Variants in KHDRBS2 observed in about 807,000 individuals in gnomAD.
KHDRBS2 encodes the protein KH RNA binding domain containing, signal transduction associated 2.
A neutral mutation model predicts 44.3 loss-of-function variants in KHDRBS2; 26 were observed. That is an observed-to-expected ratio of 0.59 (90% confidence interval 0.43 to 0.81). The LOEUF (loss-of-function observed/expected upper bound fraction) is 0.81. Ranked by LOEUF, KHDRBS2 falls within the 40% of genes least tolerant of loss-of-function variation. KHDRBS2 has a pLI of 0.00. For synonymous variants in KHDRBS2, 194 were observed against 151.1 expected, an observed-to-expected ratio of 1.28 and a Z score of -2.08; for missense variants, 476 against 433.1, an observed-to-expected ratio of 1.10 and a Z score of -0.88.
At chr6:62,238,826 G>C (rs1834128127) in intron 1 of KHDRBS2, among the ~76,000 whole-genome samples, 1 of 151,808 alleles carries the variant, frequency 6.6e-6, no homozygotes, top group Non-Finnish European at 1.5e-5. Context: ...TCTTAATCAA[G>C]TTAACAAACT....
At chr6:62,142,880 A>G in intron 2 of KHDRBS2, among the ~76,000 whole-genome samples, 1 of 149,030 alleles carries the variant, frequency 6.7e-6, no homozygotes, top group East Asian at 1.9e-4. Flanking sequence ...ATATCATCAC[A>G]TTATTGAATG....
chr6:61,559,707 T>G, the KHDRBS2 span, among the ~76,000 whole-genome samples: 3 of 152,292 alleles, frequency 2.0e-5, no homozygotes, highest in African/African-American at 4.8e-5. Flanking sequence ...TTATAAAAAC[T>G]CTACACTTTA....
chr6:61,577,137 T>A, the KHDRBS2 span, among the ~76,000 whole-genome samples: 2,404 of 150,894 alleles, frequency 0.016, 62 homozygotes, highest in African/African-American at 0.056. Flanking sequence ...GTTTTTGTTT[T>A]TTTTGTTTTT....
chr6:61,788,265 T>C (rs1784118581), intron 6 of KHDRBS2, among the ~76,000 whole-genome samples: 1 of 151,490 alleles, frequency 6.6e-6, no homozygotes, highest in Admixed American at 6.6e-5. Flanking sequence ...GAAAGAAATA[T>C]TGGGGAAGAA....
chr6:62,108,619 A>G (rs1313279898), intron 2 of KHDRBS2, among the ~76,000 whole-genome samples: 1 of 152,180 alleles, frequency 6.6e-6, no homozygotes, highest in Non-Finnish European at 1.5e-5. Flanking sequence ...AGGACTATAA[A>G]TCATGTTGTT....
intron 6 of KHDRBS2, among the ~76,000 whole-genome samples, chr6:61,743,776 C>CCG (rs1463273535): frequency 7.7e-6 from 1 of 130,166 alleles, no homozygotes. Context: ...TGCTATCCCC[C>CCG]CCCTCCCCCC....
the KHDRBS2 span, among the ~76,000 whole-genome samples, chr6:61,587,889 C>A: frequency 6.9e-6 from 1 of 145,116 alleles, no homozygotes; most frequent in Non-Finnish European, 1.5e-5. Context: ...ATTATAGATG[C>A]TTAGAAAACT....
chr6:61,874,980 T>C (rs200253505), intron 6 of KHDRBS2, among the ~76,000 whole-genome samples: 1 of 152,044 alleles, frequency 6.6e-6, no homozygotes, highest in Non-Finnish European at 1.5e-5. Flanking sequence ...GAATAAACAC[T>C]AGCATGTCCT....
chr6:61,923,472 T>C (rs1808419592), intron 4 of KHDRBS2, among the ~76,000 whole-genome samples: 1 of 152,106 alleles, frequency 6.6e-6, no homozygotes, highest in South Asian at 2.1e-4. Context: ...CTATTAAAGA[T>C]ATGTAAGGCC....
the KHDRBS2 span, among the ~76,000 whole-genome samples, chr6:61,615,233 C>CAAAAAAAAAAAAAAAAAAAAAAAA: frequency 1.9e-4 from 11 of 58,588 alleles, no homozygotes; most frequent in Admixed American, 2.6e-4. Context: ...ACTCCATCTC[C>CAAAAAAAAAAAAAAAAAAAAAAAA]AAAAAAAAAA....
intron 3 of KHDRBS2, among the ~76,000 whole-genome samples, chr6:61,996,489 G>GT (rs1448572346): frequency 1.3e-5 from 2 of 151,946 alleles, no homozygotes; most frequent in Non-Finnish European, 2.9e-5. Flanking sequence ...TTTGCTAAAT[G>GT]TTTTTTTCTG....
At chr6:61,934,602 T>C (rs1433154937) in intron 4 of KHDRBS2, among the ~76,000 whole-genome samples, 1 of 152,214 alleles carries the variant, frequency 6.6e-6, no homozygotes. Flanking sequence ...TTAGTTTTGA[T>C]ATTAATAGGT....
the KHDRBS2 span, among the ~76,000 whole-genome samples, chr6:61,622,729 C>T: frequency 2.6e-5 from 4 of 151,894 alleles, no homozygotes; most frequent in African/African-American, 4.8e-5. Flanking sequence ...CTGTAAGACC[C>T]GAAAACCAAA....
At chr6:61,608,302 G>A in the KHDRBS2 span, among the ~76,000 whole-genome samples, 2 of 116,580 alleles carry the variant, frequency 1.7e-5, no homozygotes, top group East Asian at 2.4e-4. Flanking sequence ...CTTTATATGT[G>A]TGTATATATA....
intron 4 of KHDRBS2, among the ~76,000 whole-genome samples, chr6:61,948,312 G>A (rs1764016223): frequency 6.6e-6 from 1 of 151,990 alleles, no homozygotes; most frequent in Non-Finnish European, 1.5e-5. Context: ...TTATCTGTGT[G>A]ATTTATGTAA....
intron 2 of KHDRBS2, among the ~76,000 whole-genome samples, chr6:62,123,440 T>C (rs976965589): frequency 2.0e-5 from 3 of 152,220 alleles, no homozygotes; most frequent in African/African-American, 7.2e-5. Flanking sequence ...CGTCAAACAG[T>C]ATTTCTAGTT....
At chr6:61,995,614 G>T (rs924358913) in intron 3 of KHDRBS2, among the ~76,000 whole-genome samples, 4 of 152,156 alleles carry the variant, frequency 2.6e-5, no homozygotes, top group African/African-American at 7.2e-5. Flanking sequence ...CATGCAAGGG[G>T]TCCATGTGAT....
rs1215783360 is a variant in KHDRBS2, at chr6:61,896,963, C to T, written c.612-2130G>A. On this transcript the variant is annotated intron_variant, in intron 5 of 8. Transcript: ENST00000281156. Reference sequence around the variant, plus strand: ...CTACTTTTCCTCATTCCTCCTTATTCGTTATCCTCCTTCACTGGCTTGTAT... The same window carrying T: ...CTACTTTTCCTCATTCCTCCTTATTTGTTATCCTCCTTCACTGGCTTGTAT... 4.6e-5 allele frequency among the ~76,000 whole-genome samples: 7 copies of T among 152,224 alleles called. No homozygotes were observed. In the South Asian group the frequency reaches 1.0e-3, roughly 23 times the overall value.
chr6:62,203,289 G>A (rs974648940), intron 1 of KHDRBS2, among the ~76,000 whole-genome samples: 17 of 152,102 alleles, frequency 1.1e-4, no homozygotes, highest in African/African-American at 3.6e-4. Flanking sequence ...ATGTTGGGGC[G>A]GTGGGAGGGC....
Sources: allele counts gnomAD v4.1 joint callset (sites outside exome capture counted in the v4.1 genomes callset), GRCh38; gene constraint gnomAD v4.1.1; transcripts MANE v1.5; gene names NCBI Gene and HGNC (gene_info 2026-07-23, HGNC 2026-07-21).